DPP4: variants seen among roughly 807,000 people sequenced by gnomAD.
The protein encoded by DPP4 is dipeptidyl peptidase 4.
In DPP4, 93 loss-of-function variants were observed where a neutral mutation model predicts 122.4. That is an observed-to-expected ratio of 0.76 (90% confidence interval 0.64 to 0.90). DPP4 has a LOEUF of 0.90. Among genes scored for constraint, DPP4 ranks in the 40% least tolerant of loss-of-function variants. The pLI, the probability that DPP4 is intolerant of heterozygous loss-of-function variation, is 0.00. For synonymous variants in DPP4, 321 were observed against 302.9 expected (o/e 1.06, Z -0.62); for missense variants, 914 against 907.3 (o/e 1.01, Z -0.09).
intron 7 of DPP4, among the ~76,000 whole-genome samples, 163 bp from the exon 8 acceptor site, chr2:162,038,585 C>A (rs927932024): frequency 6.6e-6 from 1 of 152,096 alleles, no homozygotes; most frequent in African/African-American, 2.4e-5. Context: ...TCTTAAATTA[C>A]AAGTGTACAG....
intron 2 of DPP4, among the ~76,000 whole-genome samples, chr2:162,049,356 C>T (rs57798278): frequency 6.6e-6 from 1 of 152,114 alleles, no homozygotes; most frequent in African/African-American, 2.4e-5. Flanking sequence ...AAGCCATTAT[C>T]CTCAGCAAAG....
At chr2:162,029,206 T>C (rs1359045892) in intron 10 of DPP4, among the ~76,000 whole-genome samples, 1 of 152,256 alleles carries the variant, frequency 6.6e-6, no homozygotes, top group Non-Finnish European at 1.5e-5. Flanking sequence ...AATAAATGTT[T>C]GTTGGGTAAT....
At chr2:162,020,318 CAAAAAA>C (rs35175377) in intron 13 of DPP4, 22 bp from the exon 14 acceptor site, 2 of 952,442 alleles carry the variant, frequency 2.1e-6, no homozygotes, top group Middle Eastern at 2.8e-4. Flanking sequence ...TTTTTTTTTT[CAAAAAA>C]AAAAAAAAGA....
At chr2:162,014,066 C>T (rs1172845546) in intron 19 of DPP4, among the ~76,000 whole-genome samples, 2 of 152,098 alleles carry the variant, frequency 1.3e-5, no homozygotes, top group African/African-American at 2.4e-5. Context: ...ACTGTTAATG[C>T]CCATCTCTTG....
At chr2:162,063,728 A>C (rs1684860691) in intron 2 of DPP4, among the ~76,000 whole-genome samples, 1 of 151,662 alleles carries the variant, frequency 6.6e-6, no homozygotes, top group Admixed American at 6.6e-5. Flanking sequence ...AGAGAAAAAA[A>C]GGGAGAGGGG....
intron 22 of DPP4, among the ~76,000 whole-genome samples, chr2:162,006,086 C>G (rs1396891965): frequency 1.3e-5 from 2 of 152,194 alleles, no homozygotes; most frequent in Admixed American, 1.3e-4. Context: ...CTAACCCATT[C>G]TCAATTTTCC....
intron 12 of DPP4, chr2:162,021,639 T>C (rs139185754): frequency 6.6e-6 from 1 of 152,336 alleles, no homozygotes; most frequent in East Asian, 1.9e-4. Flanking sequence ...GGTGTTCTCA[T>C]TACAGAGCTT....
At chr2:161,998,509 G>A (rs562583372) in intron 23 of DPP4, among the ~76,000 whole-genome samples, 3 of 152,158 alleles carry the variant, frequency 2.0e-5, no homozygotes, top group Non-Finnish European at 2.9e-5. Context: ...AAAGCCTCAT[G>A]GGCCTGCCTT....
intron 10 of DPP4, among the ~76,000 whole-genome samples, chr2:162,029,091 T>C (rs1433714146): frequency 6.6e-6 from 1 of 152,242 alleles, no homozygotes; most frequent in African/African-American, 2.4e-5. Context: ...AGGCAAATTA[T>C]ATGTGAATGC....
intron 2 of DPP4, among the ~76,000 whole-genome samples, chr2:162,060,954 C>G (rs1684749858): frequency 7.0e-6 from 1 of 143,280 alleles, no homozygotes; most frequent in African/African-American, 2.6e-5. Context: ...CCTTCCTAGC[C>G]TCCTTCTTTC....
In DPP4 at chr2:162,038,382, G is replaced by T. The variant is rs777929066; in HGVS notation, c.533C>A (p.Pro178Gln). 18 of 1,607,706 alleles carry T rather than the reference G, an allele frequency of 1.1e-5. No individual in the cohort carries two copies. The highest frequency in any genetic ancestry group is 1.5e-5 in the Non-Finnish European group (18 of 1,176,858). The change falls in exon 8 of 26, where the codon CCA becomes CAA. Residue 178 changes from proline (P) to glutamine (Q), a missense_variant. Physicochemically the swap from Pro to Gln is moderately conservative, Grantham distance 76. Coordinates refer to ENST00000360534, the MANE Select transcript of DPP4 (RefSeq NM_001935.4). ...TGTGATTCTGTAACTTGGTAAATTTGGTTCAATTTTAACATAAATGTCATT... is the reference window on the plus strand; with the variant it reads ...TGTGATTCTGTAACTTGGTAAATTTTGTTCAATTTTAACATAAATGTCATT... ...WNNDIYVKIE[P>Q]NLPSYRITWT...
intron 5 of DPP4, among the ~76,000 whole-genome samples, chr2:162,045,229 G>A (rs986983790): frequency 6.6e-6 from 1 of 152,084 alleles, no homozygotes; most frequent in Non-Finnish European, 1.5e-5. Flanking sequence ...AATCAGACAT[G>A]TAAACTTACT....
At chr2:162,009,513 T>TTGTGTGTG (rs57878632) in intron 20 of DPP4, among the ~76,000 whole-genome samples, 5,419 of 144,326 alleles carry the variant, frequency 0.038, 338 homozygotes, top group East Asian at 0.29. Context: ...TTCATAAAAA[T>TTGTGTGTG]TGTGTGTGTG....
intron 2 of DPP4, among the ~76,000 whole-genome samples, chr2:162,066,406 A>G (rs893044862): frequency 2.0e-4 from 31 of 152,212 alleles, no homozygotes; most frequent in Non-Finnish European, 4.1e-4. Context: ...TGTCACATTC[A>G]TGCTGAAATC....
rs1441005092 is a variant in DPP4, at chr2:162,022,860, A to G, written c.1024-61T>C. The G allele has an allele frequency of 9.7e-6, 15 of 1,543,832 alleles. No homozygotes were observed. In the Middle Eastern group the frequency reaches 5.0e-4, roughly 52 times the overall value. ...GAGAAGTCAGATGAAATCTATAGCCATAATTTGTGGTAATATAAATAGAGC... is the reference window on the plus strand; with the variant it reads ...GAGAAGTCAGATGAAATCTATAGCCGTAATTTGTGGTAATATAAATAGAGC... On this transcript the variant is annotated intron_variant, in intron 11 of 25. Coordinates refer to ENST00000360534, the MANE Select transcript of DPP4 (RefSeq NM_001935.4).
At chr2:162,037,529 T>A (rs930943412) in intron 8 of DPP4, among the ~76,000 whole-genome samples, 8 of 152,172 alleles carry the variant, frequency 5.3e-5, no homozygotes, top group Non-Finnish European at 7.3e-5. Context: ...AATTATTTTT[T>A]TAAACTACAA....
At chr2:162,003,176 A>T (rs2106078292) in intron 23 of DPP4, among the ~76,000 whole-genome samples, 1 of 152,262 alleles carries the variant, frequency 6.6e-6, no homozygotes, top group East Asian at 1.9e-4. Flanking sequence ...TGAAAGAGTG[A>T]CTTTGTGCAC....
At chr2:162,022,692 G>T in intron 12 of DPP4, 63 bp downstream of exon 12, 3 of 1,504,656 alleles carry the variant, frequency 2.0e-6, no homozygotes, top group South Asian at 1.1e-5. Context: ...GTTTTAAATA[G>T]CTGCATATCA....
Position 162,005,760 on chromosome 2 carries a change from G to A in DPP4, c.2037C>T (p.Asn679=), listed in dbSNP as rs149382027. The change falls in exon 23 of 26, where the codon AAC becomes AAT. Residue 679 remains asparagine, a synonymous_variant. Coordinates refer to ENST00000360534, the MANE Select transcript of DPP4 (RefSeq NM_001935.4). The part of the protein sequence containing the change: ...RYMGLPTPED[N]LDHYRNSTVM... ...CATCTCTTACTCTGTAATGGTCAAG[G>A]TTGTCTTCTGGAGTTGGGAGACCCA... 63 of 1,612,764 alleles carry A rather than the reference G, an allele frequency of 3.9e-5. 1 individual carries two copies. The highest frequency in any genetic ancestry group is 5.2e-5 in the Non-Finnish European group (61 of 1,179,426).
Sources: allele counts gnomAD v4.1 joint callset (sites outside exome capture counted in the v4.1 genomes callset), GRCh38; gene constraint gnomAD v4.1.1; transcripts MANE v1.5; gene names NCBI Gene and HGNC (gene_info 2026-07-23, HGNC 2026-07-21).